Variants in OTUD7A observed in about 807,000 individuals in gnomAD.
The protein encoded by OTUD7A is OTU deubiquitinase 7A.
Under a neutral mutation model 65.7 loss-of-function variants are expected in OTUD7A, and 12 were observed. The ratio of observed to expected loss-of-function variants is 0.18; its 90% CI spans 0.12 to 0.30. OTUD7A has a LOEUF of 0.30. Among genes scored for constraint, OTUD7A ranks in the 10% least tolerant of loss-of-function variants. The pLI, the probability that OTUD7A is intolerant of heterozygous loss-of-function variation, is 1.00. For missense variants in OTUD7A, 1,148 were observed against 1,304.8 expected (o/e 0.88, Z 1.85); for synonymous variants, 641 against 586.3 (o/e 1.09, Z -1.35).
At chr15:31,763,037 C>A (rs1462282029) in intron 1 of OTUD7A, among the ~76,000 whole-genome samples, 1 of 152,202 alleles carries the variant, frequency 6.6e-6, no homozygotes, top group Non-Finnish European at 1.5e-5. Flanking sequence ...AATCCCAACA[C>A]TTTGTGAGGC....
chr15:31,524,106 T>C (rs1260424330), intron 8 of OTUD7A, among the ~76,000 whole-genome samples: 3 of 152,148 alleles, frequency 2.0e-5, no homozygotes, highest in Non-Finnish European at 4.4e-5. Context: ...GGTAGATTCC[T>C]ATTGCATATG....
rs567646687 is a variant in OTUD7A at position 31,591,601 on chromosome 15, G to C, written c.152-21404C>G. ...CACCCCCAGCTCTCCCAGTTCTCCA[G>C]CATGCTGACTGCAGGTCGTGAGACT... On this transcript the variant is annotated intron_variant, in intron 3 of 12. Transcript: ENST00000307050. 3.3e-5 allele frequency among the ~76,000 whole-genome samples: 5 copies of C among 152,290 alleles called. No homozygotes were observed. In the East Asian group the frequency reaches 9.6e-4, roughly 29 times the overall value.
At chr15:31,598,457 AT>A (rs769089554) in intron 3 of OTUD7A, among the ~76,000 whole-genome samples, 2 of 152,112 alleles carry the variant, frequency 1.3e-5, no homozygotes, top group Non-Finnish European at 2.9e-5. Context: ...CTGAGGAACT[AT>A]GCACACTCCG....
At chr15:31,517,915 T>C (rs903112817) in intron 8 of OTUD7A, among the ~76,000 whole-genome samples, 2 of 152,104 alleles carry the variant, frequency 1.3e-5, no homozygotes, top group Non-Finnish European at 2.9e-5. Context: ...GAAGCCAGTC[T>C]GGGGCCGGCA....
intron 1 of OTUD7A, among the ~76,000 whole-genome samples, chr15:31,860,339 A>G (rs569414630): frequency 1.3e-5 from 2 of 152,222 alleles, no homozygotes; most frequent in East Asian, 3.9e-4. Context: ...TATATAAGCA[A>G]CTTTCTCAAC....
intron 1 of OTUD7A, among the ~76,000 whole-genome samples, chr15:31,658,652 T>A (rs995008976): frequency 6.6e-6 from 1 of 152,114 alleles, no homozygotes; most frequent in Admixed American, 6.5e-5. Context: ...GTGGAGGAAG[T>A]GGTCCAACCA....
chr15:31,711,814 C>T (rs1893454127), intron 1 of OTUD7A, among the ~76,000 whole-genome samples: 1 of 150,970 alleles, frequency 6.6e-6, no homozygotes, highest in Admixed American at 6.6e-5. Context: ...GATACATCAA[C>T]TGCATTACTT....
chr15:31,574,841 T>A lies in OTUD7A; in HGVS notation c.152-4644A>T, dbSNP rs543173108. Among the ~76,000 whole-genome samples, 8 of 152,214 alleles carry A rather than the reference T, an allele frequency of 5.3e-5. No individual in the cohort carries two copies. In the East Asian group the frequency reaches 1.5e-3, roughly 29 times the overall value. On this transcript the variant is annotated intron_variant, in intron 3 of 12. Coordinates refer to ENST00000307050, the MANE Select transcript of OTUD7A (RefSeq NM_001382637.1). ...CAGACCCCTCAACCACAGCCTTTCC[T>A]ACACTGCAGGCCAATATTCCCCTCC...
intron 5 of OTUD7A, among the ~76,000 whole-genome samples, chr15:31,552,377 T>A (rs761744000): frequency 6.6e-6 from 1 of 152,242 alleles, no homozygotes; most frequent in Non-Finnish European, 1.5e-5. Flanking sequence ...TAATGAATAA[T>A]TGTAATGCTG....
chr15:31,683,832 T>C (rs1331625649), intron 1 of OTUD7A, among the ~76,000 whole-genome samples: 1 of 152,234 alleles, frequency 6.6e-6, no homozygotes, highest in East Asian at 1.9e-4. Flanking sequence ...CATATAATTT[T>C]TAAAAGGTTG....
intron 10 of OTUD7A, among the ~76,000 whole-genome samples, chr15:31,493,025 A>C (rs1274964220): frequency 6.6e-6 from 1 of 151,914 alleles, no homozygotes; most frequent in Admixed American, 6.6e-5. Flanking sequence ...GGCCAACATG[A>C]TGAAACCCTG....
At chr15:31,754,878 C>T (rs893589119) in intron 1 of OTUD7A, among the ~76,000 whole-genome samples, 9 of 152,090 alleles carry the variant, frequency 5.9e-5, no homozygotes, top group African/African-American at 2.2e-4. Context: ...CCCCAGGGGT[C>T]CACAGACCAC....
At chr15:31,552,976 T>C (rs1888372415) in intron 5 of OTUD7A, among the ~76,000 whole-genome samples, 2 of 152,096 alleles carry the variant, frequency 1.3e-5, no homozygotes. Flanking sequence ...AGGAAAGAGA[T>C]GACTCACAGC....
intron 1 of OTUD7A, among the ~76,000 whole-genome samples, chr15:31,750,503 A>G (rs1468846454): frequency 6.6e-6 from 1 of 152,156 alleles, no homozygotes; most frequent in African/African-American, 2.4e-5. Flanking sequence ...AATTAGAAAA[A>G]AAAATCCAAA....
chr15:31,773,672 G>C (rs1048107043), intron 1 of OTUD7A, among the ~76,000 whole-genome samples: 3 of 152,174 alleles, frequency 2.0e-5, no homozygotes, highest in African/African-American at 7.2e-5. Context: ...TATAAATTTA[G>C]GGGACTTTGT....
chr15:31,500,386 G>GT (rs1566885519), intron 10 of OTUD7A, among the ~76,000 whole-genome samples: 1 of 152,252 alleles, frequency 6.6e-6, no homozygotes, highest in Admixed American at 6.5e-5. Context: ...GCCTCCAGTC[G>GT]TCTCTCTTCC....
intron 1 of OTUD7A, chr15:31,767,655 C>T (rs1304748702): frequency 5.3e-6 from 4 of 757,210 alleles, no homozygotes; most frequent in Admixed American, 3.6e-5. Context: ...ACTTCTTCAA[C>T]GTCTTCCTGG....
intron 1 of OTUD7A, among the ~76,000 whole-genome samples, chr15:31,687,361 T>A (rs4779765): frequency 6.6e-6 from 1 of 152,228 alleles, no homozygotes; most frequent in African/African-American, 2.4e-5. Flanking sequence ...GGGCCTCTGC[T>A]CTGTCACTCA....
intron 1 of OTUD7A, among the ~76,000 whole-genome samples, chr15:31,817,515 C>T (rs993151827): frequency 6.6e-6 from 1 of 152,190 alleles, no homozygotes; most frequent in East Asian, 1.9e-4. Flanking sequence ...ATAAGTATCT[C>T]TCCTTTGGGT....
Sources: gnomAD v4.1 joint callset for allele counts (sites outside exome capture counted in the v4.1 genomes callset) on GRCh38, gnomAD v4.1.1 for gene constraint, MANE v1.5 for transcripts, NCBI Gene and HGNC (gene_info 2026-07-23, HGNC 2026-07-21) for gene names.